MYO1H: variants seen among roughly 807,000 people sequenced by gnomAD.
The protein encoded by MYO1H is myosin IH, also known as unconventional myosin-Ih.
MYO1H carries 118 observed loss-of-function variants against 149.3 expected under a neutral mutation model. The observed-to-expected ratio is 0.79, with a 90% confidence interval of 0.68 to 0.92. The LOEUF (loss-of-function observed/expected upper bound fraction) is 0.92. Among genes scored for constraint, MYO1H ranks in the 40% least tolerant of loss-of-function variants. MYO1H has a pLI of 0.00. For missense variants in MYO1H, 1,212 were observed against 1,280.7 expected, an observed-to-expected ratio of 0.95 and a Z score of 0.82; for synonymous variants, 447 against 465.2, an observed-to-expected ratio of 0.96 and a Z score of 0.50.
chr12:109,434,970 G>A, intron 20 of MYO1H, 67 bp from the exon 21 acceptor site: 1 of 895,166 alleles, frequency 1.1e-6, no homozygotes, highest in Admixed American at 2.6e-5. Context: ...TTTGAAGGGG[G>A]CACCGTTCAA....
At chr12:109,334,055 C>T in the MYO1H span, among the ~76,000 whole-genome samples, 3 of 151,886 alleles carry the variant, frequency 2.0e-5, no homozygotes, top group Admixed American at 6.6e-5. Flanking sequence ...CTCACTTTGT[C>T]GCCCAGGCCG....
At chr12:109,410,135 T>C (rs1028427691) in intron 12 of MYO1H, 67 bp downstream of exon 12, 25 of 813,656 alleles carry the variant, frequency 3.1e-5, no homozygotes, top group Non-Finnish European at 4.3e-5. Context: ...TTTTTTAATT[T>C]AATTAATTTT....
At chr12:109,416,380 T>G (rs1283022785) in intron 15 of MYO1H, among the ~76,000 whole-genome samples, 10 of 78,374 alleles carry the variant, frequency 1.3e-4, no homozygotes, top group Non-Finnish European at 2.4e-4. Context: ...TTGTTGTTGG[T>G]TTTTTTTTTT....
chr12:109,411,996 T>C lies in MYO1H; in HGVS notation c.1502+11T>C. On this transcript the variant is annotated intron_variant, in intron 14 of 31. Transcript: ENST00000310903. ...TGCACACTTCGAAACGTACATACTT[T>C]ATTTTACCAGATTTTGCATGGGGGA... 6.4e-7 allele frequency: 1 copy of C among 1,559,720 alleles called. No individual in the cohort carries two copies. The highest frequency in any genetic ancestry group is 2.3e-5 in the East Asian group (1 of 42,860).
At chr12:109,362,395 G>T (rs1226123713) in intron 1 of MYO1H, among the ~76,000 whole-genome samples, 1 of 152,158 alleles carries the variant, frequency 6.6e-6, no homozygotes, top group Non-Finnish European at 1.5e-5. Context: ...ACTATGTTTT[G>T]TTTTGTAGGG....
At chr12:109,381,288 C>T (rs1869200916) in intron 1 of MYO1H, among the ~76,000 whole-genome samples, 1 of 152,156 alleles carries the variant, frequency 6.6e-6, no homozygotes, top group Admixed American at 6.5e-5. Flanking sequence ...CAGCATGCAC[C>T]TGTAATCCCA....
chr12:109,414,313 T>TA (rs137905497), intron 14 of MYO1H, among the ~76,000 whole-genome samples: 7,718 of 151,464 alleles, frequency 0.051, 253 homozygotes, highest in Admixed American at 0.094. Context: ...CCATCTCCAC[T>TA]AAAAATCCAA....
the MYO1H span, among the ~76,000 whole-genome samples, chr12:109,315,212 C>G: frequency 3.3e-5 from 5 of 152,202 alleles, no homozygotes; most frequent in African/African-American, 1.2e-4. Flanking sequence ...ATTCACCAAT[C>G]ACCAATCAAG....
chr12:109,396,466 G>T lies in MYO1H; in HGVS notation c.373G>T (p.Ala125Ser), dbSNP rs552213675. The T allele has an allele frequency of 1.9e-6, 3 of 1,614,012 alleles. No individual in the cohort carries two copies. Among genetic ancestry groups the T allele is most frequent in the African/African-American group, 2.7e-5 (2 of 75,060 alleles). Reference sequence around the variant, plus strand: ...CATCCTCATTTCTGGAGAGAGTGGGGCAGGGAAAACAGAGGCCTCCAAGAA... The same window carrying T: ...CATCCTCATTTCTGGAGAGAGTGGGTCAGGGAAAACAGAGGCCTCCAAGAA... Residue 125 changes from alanine to serine, a missense_variant, in exon 4 of 32, where the codon GCA becomes TCA. Coordinates refer to ENST00000310903, the Ensembl canonical transcript of MYO1H.
At chr12:109,318,972 GTTT>G in the MYO1H span, among the ~76,000 whole-genome samples, 32 of 77,260 alleles carry the variant, frequency 4.1e-4, no homozygotes, top group African/African-American at 1.4e-3. Flanking sequence ...TTTTGGTTTT[GTTT>G]TTTTTTTTTT....
upstream of MYO1H, chr12:109,347,841 G>T (rs1030501889): frequency 1.3e-5 from 5 of 398,326 alleles, no homozygotes; most frequent in Non-Finnish European, 2.2e-5. Context: ...CCGCAAGCTA[G>T]AATCGCCTCA....
At chr12:109,408,365 A>C (rs902434277) in intron 10 of MYO1H, among the ~76,000 whole-genome samples, 22 of 151,946 alleles carry the variant, frequency 1.4e-4, no homozygotes, top group Non-Finnish European at 2.5e-4. Flanking sequence ...TGTAGAGATG[A>C]GGTCTTGCTA....
intron 7 of MYO1H, 63 bp downstream of exon 7, chr12:109,404,143 T>A: frequency 7.6e-7 from 1 of 1,315,748 alleles, no homozygotes; most frequent in Non-Finnish European, 1.1e-6. Flanking sequence ...TCCTAATTTC[T>A]TGGTGTTTGC....
In MYO1H at chr12:109,420,970, A is replaced by G. The variant is rs1013667033; in HGVS notation, c.1598-11A>G. The G allele has an allele frequency of 6.7e-5, 104 of 1,544,930 alleles. No homozygotes were observed. The highest frequency in any genetic ancestry group is 7.9e-5 in the Non-Finnish European group (89 of 1,122,230). ...CATTGATTCAAAAAATTTTTCTTCA[A>G]TGTTTTACAGGATTCTTGGAAAAAA... On this transcript the variant is annotated splice_polypyrimidine_tract_variant and intron_variant, in intron 15 of 31. Transcript: ENST00000310903.
chr12:109,357,116 A>T (rs574297503), intron 1 of MYO1H: 1 of 128,114 alleles, frequency 7.8e-6, no homozygotes, highest in East Asian at 2.3e-4. Context: ...ATTCAGTTCT[A>T]TGAGGAAACT....
intron 1 of MYO1H, among the ~76,000 whole-genome samples, chr12:109,367,470 A>G (rs1868888698): frequency 6.6e-6 from 1 of 152,150 alleles, no homozygotes; most frequent in Non-Finnish European, 1.5e-5. Flanking sequence ...TTGGGGGAAA[A>G]CTGCATTTTC....
chr12:109,421,127 C>A, intron 16 of MYO1H, 100 bp downstream of exon 16: 1 of 743,040 alleles, frequency 1.3e-6, no homozygotes, highest in Non-Finnish European at 2.3e-6. Flanking sequence ...TTTTTTTTTC[C>A]ATGCATCGTA....
In MYO1H at chr12:109,353,165, G is replaced by C. The variant is rs112716605; in HGVS notation, c.12+5193G>C. Reference sequence around the variant, plus strand: ...AATCCCAGCATTTTGGGAGGCCGAAGTGGATGGATCACCTGAGGTCAGGAG... The same window carrying C: ...AATCCCAGCATTTTGGGAGGCCGAACTGGATGGATCACCTGAGGTCAGGAG... On this transcript the variant is annotated intron_variant, in intron 1 of 31. Transcript: ENST00000310903. Among the ~76,000 whole-genome samples the C allele has an allele frequency of 9.9e-3, 1,501 of 152,184 alleles. 22 individuals carry two copies. The highest frequency in any genetic ancestry group is 0.034 in the African/African-American group (1,413 of 41,510).
exon 8 of MYO1H, chr12:109,406,012 C>T (rs879623696): frequency 6.2e-7 from 1 of 1,613,010 alleles, no homozygotes; most frequent in African/African-American, 1.3e-5. Context: ...CCCAGACACC[C>T]ATGAGATCAA....
Sources: gnomAD v4.1 joint callset for allele counts (sites outside exome capture counted in the v4.1 genomes callset) on GRCh38, gnomAD v4.1.1 for gene constraint, MANE v1.5 for transcripts, NCBI Gene and HGNC (gene_info 2026-07-23, HGNC 2026-07-21) for gene names.